The following TXNRD2 variants were observed in gnomAD, a reference collection of about 807,000 sequenced individuals.
TXNRD2 encodes the protein thioredoxin reductase 2, mitochondrial.
TXNRD2 carries 67 observed loss-of-function variants against 70.8 expected under a neutral mutation model. That is an observed-to-expected ratio of 0.95 (90% CI 0.78 to 1.16). The LOEUF is 1.16. TXNRD2 is among the 50% of genes most tolerant of loss of function. The pLI is 0.00. For synonymous variants in TXNRD2, 301 were observed against 295.8 expected (o/e 1.02, Z -0.18); for missense variants, 644 against 719.9 (o/e 0.89, Z 1.21).
At chr22:19,916,000 G>A in intron 5 of TXNRD2, 157 bp from the exon 6 acceptor site, 1 of 676,202 alleles carries the variant, frequency 1.5e-6, no homozygotes, top group Middle Eastern at 2.4e-4. Context: ...ACCATGCTGA[G>A]AAGCATGGAG....
intron 11 of TXNRD2, among the ~76,000 whole-genome samples, chr22:19,885,072 C>T (rs557673373): frequency 6.6e-6 from 1 of 152,286 alleles, no homozygotes; most frequent in East Asian, 1.9e-4. Flanking sequence ...TGCCAGTCTC[C>T]ACACAGCCTG....
intron 8 of TXNRD2, among the ~76,000 whole-genome samples, chr22:19,909,707 A>ACT: frequency 7.7e-6 from 1 of 129,370 alleles, no homozygotes; most frequent in Non-Finnish European, 1.6e-5. Context: ...CACACACACC[A>ACT]CACACACCAC....
chr22:19,889,626 C>CT (rs1939179520), intron 11 of TXNRD2, among the ~76,000 whole-genome samples: 1 of 132,488 alleles, frequency 7.5e-6, no homozygotes, highest in African/African-American at 3.5e-5. Context: ...AAACAAAAAA[C>CT]AATTATTATT....
At chr22:19,882,792 C>T (rs1167652881) in intron 12 of TXNRD2, among the ~76,000 whole-genome samples, 1 of 152,216 alleles carries the variant, frequency 6.6e-6, no homozygotes, top group African/African-American at 2.4e-5. Context: ...AGAGCCCCCA[C>T]CCAGGAAAGA....
chr22:19,941,507 A>C (rs1167676530), intron 1 of TXNRD2, 194 bp downstream of exon 1: 1 of 1,001,348 alleles, frequency 1.0e-6, no homozygotes, highest in Non-Finnish European at 1.3e-6. Context: ...CAGTTTCCCC[A>C]CCTGGGAAGG....
intron 9 of TXNRD2, among the ~76,000 whole-genome samples, chr22:19,898,617 C>T (rs1309307082): frequency 2.0e-5 from 3 of 147,972 alleles, no homozygotes; most frequent in Non-Finnish European, 4.4e-5. Context: ...CAGGTTCAAG[C>T]GGTTCCCCTG....
At chr22:19,920,687 C>T (rs1295248083) in intron 2 of TXNRD2, among the ~76,000 whole-genome samples, 1 of 152,210 alleles carries the variant, frequency 6.6e-6, no homozygotes, top group Admixed American at 6.5e-5. Context: ...AGGCCTTGGA[C>T]TTGACTGCCT....
At chr22:19,905,392 C>T (rs1212019954) in intron 8 of TXNRD2, among the ~76,000 whole-genome samples, 1 of 152,028 alleles carries the variant, frequency 6.6e-6, no homozygotes, top group African/African-American at 2.4e-5. Flanking sequence ...AACAAAATAT[C>T]TGGAGCTGTG....
intron 15 of TXNRD2, 63 bp downstream of exon 15, chr22:19,878,303 C>T (rs967915161): frequency 1.2e-6 from 2 of 1,604,324 alleles, no homozygotes; most frequent in East Asian, 4.5e-5. Flanking sequence ...GGGTGTTCAC[C>T]CTGCCAGGCT....
rs914216187 is a variant in TXNRD2, at chr22:19,923,883, C to T, written c.173-4284G>A. Among the ~76,000 whole-genome samples, 14 of 117,620 alleles carry T rather than the reference C, an allele frequency of 1.2e-4. No individual in the cohort carries two copies. In the South Asian group the frequency reaches 3.4e-3, roughly 28 times the overall value. The allele number at this position is 117,620 out of a possible 152,430, so 77.2% of individuals were successfully genotyped here. A position where few individuals can be genotyped will look rare whatever the true frequency, so the allele number is the denominator to read the frequency against. On this transcript the variant is annotated intron_variant, in intron 2 of 17. Transcript: ENST00000400521. ...TTTTTTTTTCAAATCTTGTGGACTT[C>T]TGACTGGTACAACTGCAGCTGCCTT... is the stretch of plus-strand genomic sequence containing the variant.
intron 14 of TXNRD2, among the ~76,000 whole-genome samples, chr22:19,879,504 A>G: frequency 7.5e-6 from 1 of 134,214 alleles, no homozygotes; most frequent in African/African-American, 2.8e-5. Context: ...TGAGTGCCTG[A>G]GCCTGGAAGA....
intron 9 of TXNRD2, among the ~76,000 whole-genome samples, chr22:19,898,510 CTTTTTT>C (rs386394954): frequency 2.1e-5 from 2 of 94,394 alleles, no homozygotes; most frequent in Admixed American, 1.2e-4. Flanking sequence ...CGGCTTGGGG[CTTTTTT>C]TTTTTTTTTT....
chr22:19,901,252 G>A (rs143098209), intron 8 of TXNRD2, among the ~76,000 whole-genome samples: 9 of 152,318 alleles, frequency 5.9e-5, no homozygotes, highest in South Asian at 4.1e-4. Context: ...CCCAGTGCCC[G>A]GGCCTCCTGT....
intron 11 of TXNRD2, chr22:19,894,412 G>A (rs780545062): frequency 3.3e-5 from 5 of 152,816 alleles, no homozygotes; most frequent in Non-Finnish European, 5.8e-5. Context: ...TTGATGTTAT[G>A]TGTATGTCAC....
At chr22:19,928,553 C>T (rs1173855217) in intron 2 of TXNRD2, among the ~76,000 whole-genome samples, 1 of 152,142 alleles carries the variant, frequency 6.6e-6, no homozygotes, top group Non-Finnish European at 1.5e-5. Context: ...GCCTGGTTGC[C>T]TAGGATGCAG....
At chr22:19,886,638 G>C (rs1939045159) in intron 11 of TXNRD2, among the ~76,000 whole-genome samples, 1 of 152,260 alleles carries the variant, frequency 6.6e-6, no homozygotes, top group African/African-American at 2.4e-5. Flanking sequence ...AGGCCATTTA[G>C]GGAAAGAAGG....
intron 11 of TXNRD2, chr22:19,891,670 T>C (rs1230015307): frequency 6.6e-6 from 1 of 152,266 alleles, no homozygotes; most frequent in Non-Finnish European, 1.5e-5. Context: ...GCAGCAGTGC[T>C]GGCTGACTGT....
intron 1 of TXNRD2, chr22:19,932,258 G>T: frequency 6.2e-7 from 1 of 1,604,646 alleles, no homozygotes; most frequent in Admixed American, 1.7e-5. Flanking sequence ...CCCAGCTGCA[G>T]TCAGCTAGGA....
At chr22:19,917,196 G>A (rs1340158118) in intron 5 of TXNRD2, among the ~76,000 whole-genome samples, 1 of 152,202 alleles carries the variant, frequency 6.6e-6, no homozygotes, top group Non-Finnish European at 1.5e-5. Context: ...AGCAGGCAGT[G>A]GGCTGGGCCT....
Sources: allele counts gnomAD v4.1 joint callset (sites outside exome capture counted in the v4.1 genomes callset), GRCh38; gene constraint gnomAD v4.1.1; transcripts MANE v1.5; gene names NCBI Gene and HGNC (gene_info 2026-07-23, HGNC 2026-07-21).